TBC1D15: variants seen among roughly 807,000 people sequenced by gnomAD.
TBC1D15 encodes the protein TBC1 domain family member 15.
TBC1D15 carries 39 observed loss-of-function variants against 95.4 expected under a neutral mutation model. The ratio of observed to expected loss-of-function variants is 0.41; its 90% confidence interval spans 0.32 to 0.53. The LOEUF (loss-of-function observed/expected upper bound fraction) is 0.53, where lower values mean the gene tolerates loss of function less well. Among genes scored for constraint, TBC1D15 ranks in the 20% least tolerant of loss-of-function variants. The probability of loss-of-function intolerance (pLI) is 0.29; values close to 1 mark genes in which losing one functional copy is unlikely to be tolerated. For synonymous variants in TBC1D15, 258 were observed against 261.3 expected, an observed-to-expected ratio of 0.99 and a Z score of 0.12; for missense variants, 733 against 794.3, an observed-to-expected ratio of 0.92 and a Z score of 0.93.
intron 1 of TBC1D15, among the ~76,000 whole-genome samples, chr12:71,860,495 T>C (rs2138108726): frequency 6.6e-6 from 1 of 152,360 alleles, no homozygotes; most frequent in East Asian, 1.9e-4. Flanking sequence ...TTTCCTTTTT[T>C]GTTTGTAGCT....
intron 11 of TBC1D15, among the ~76,000 whole-genome samples, chr12:71,908,918 C>T (rs1284701958): frequency 6.6e-6 from 1 of 152,154 alleles, no homozygotes; most frequent in African/African-American, 2.4e-5. Flanking sequence ...TACCTCTACA[C>T]CTTCAGCGCT....
chr12:71,884,052 T>G (rs1391767542), intron 4 of TBC1D15, among the ~76,000 whole-genome samples: 1 of 152,196 alleles, frequency 6.6e-6, no homozygotes, highest in Non-Finnish European at 1.5e-5. Flanking sequence ...TAGTAGACAG[T>G]TAATTTAGCA....
intron 4 of TBC1D15, among the ~76,000 whole-genome samples, chr12:71,883,019 T>C (rs1167986387): frequency 1.3e-5 from 2 of 152,174 alleles, no homozygotes. Context: ...ATATAGTATT[T>C]AATATACTTC....
At chr12:71,861,429 T>C in intron 1 of TBC1D15, 1 of 1,498,004 alleles carries the variant, frequency 6.7e-7, no homozygotes, top group South Asian at 1.3e-5. Context: ...CTTGATTCAA[T>C]CTTGATAAGT....
chr12:71,923,194 C>T lies in TBC1D15; in HGVS notation c.2015C>T (p.Thr672Ile). The change falls in exon 17 of 17, where the codon ACA (threonine) becomes ATA (isoleucine). Residue 672 changes from threonine (T) to isoleucine (I), a missense_variant. Transcript: ENST00000485960. Reference protein sequence around the residue: ...IPVSSDVCRLTPA With the variant: ...IPVSSDVCRLIPA Reference sequence around the variant, plus strand: ...GTGTCCTCAGATGTCTGCAGATTAACACCTGCATGATCACTGTTCTTGCTT... The same window carrying T: ...GTGTCCTCAGATGTCTGCAGATTAATACCTGCATGATCACTGTTCTTGCTT... The T allele has an allele frequency of 1.2e-6, 2 of 1,613,960 alleles. No homozygotes were observed. Among genetic ancestry groups the T allele is most frequent in the Non-Finnish European group, 1.7e-6 (2 of 1,179,830 alleles).
intron 3 of TBC1D15, 95 bp from the exon 4 acceptor site, chr12:71,880,374 T>G (rs943237891): frequency 2.3e-5 from 25 of 1,073,888 alleles, no homozygotes; most frequent in Non-Finnish European, 3.1e-5. Flanking sequence ...TGATGTCGTC[T>G]GCAGCCTGCC....
chr12:71,849,170 A>C (rs577881356), intron 1 of TBC1D15: 6 of 273,214 alleles, frequency 2.2e-5, no homozygotes, highest in East Asian at 1.3e-4. Context: ...TTATAAAAAA[A>C]AAAAAAAACA....
intron 12 of TBC1D15, among the ~76,000 whole-genome samples, chr12:71,914,247 G>C (rs1903138158): frequency 6.6e-6 from 1 of 151,894 alleles, no homozygotes; most frequent in Non-Finnish European, 1.5e-5. Flanking sequence ...TGGAATAGTT[G>C]AACTTTAATA....
intron 10 of TBC1D15, among the ~76,000 whole-genome samples, chr12:71,899,720 A>G (rs58495864): frequency 0.057 from 8,748 of 152,214 alleles, 600 homozygotes; most frequent in East Asian, 0.32. Context: ...TGGAAATTCA[A>G]TCAAAGTAAG....
intron 10 of TBC1D15, among the ~76,000 whole-genome samples, chr12:71,903,085 A>T (rs961126144): frequency 6.6e-6 from 1 of 151,914 alleles, no homozygotes; most frequent in African/African-American, 2.4e-5. Context: ...CTAATTTTAG[A>T]ATTTTTTTTT....
At chr12:71,883,360 G>A (rs1228955966) in intron 4 of TBC1D15, among the ~76,000 whole-genome samples, 1 of 152,226 alleles carries the variant, frequency 6.6e-6, no homozygotes, top group East Asian at 1.9e-4. Flanking sequence ...TGGGCACATG[G>A]CACTTAATCT....
chr12:71,904,256 T>C (rs553172307), intron 10 of TBC1D15, among the ~76,000 whole-genome samples: 1 of 152,102 alleles, frequency 6.6e-6, no homozygotes, highest in Non-Finnish European at 1.5e-5. Flanking sequence ...GACCATTGCA[T>C]AGAGGAATAA....
chr12:71,883,662 T>C (rs934988164), intron 4 of TBC1D15, among the ~76,000 whole-genome samples: 10 of 152,116 alleles, frequency 6.6e-5, no homozygotes, highest in African/African-American at 1.2e-4. Flanking sequence ...TCCTTCTAAG[T>C]AGTTTATCTT....
rs1480678304 is a variant in TBC1D15, at chr12:71,917,693, T to G, written c.1402-5T>G. The G allele has an allele frequency of 9.4e-6, 15 of 1,590,110 alleles. No individual in the cohort carries two copies. Among genetic ancestry groups the G allele is most frequent in the Admixed American group, 1.7e-5 (1 of 59,754 alleles). On this transcript the variant is annotated splice_polypyrimidine_tract_variant and splice_region_variant and intron_variant, in intron 12 of 16. Coordinates refer to ENST00000485960, the MANE Select transcript of TBC1D15 (RefSeq NM_001146213.3). ...ATTACTTGTAACAATTATTTCCTTT[T>G]AAAGCATCAGAATTTTGAAGAACAA...
At chr12:71,879,194 T>G (rs10160905) in intron 3 of TBC1D15, among the ~76,000 whole-genome samples, 20,662 of 151,222 alleles carry the variant, frequency 0.14, 1,874 homozygotes, top group African/African-American at 0.25. Flanking sequence ...GTGCAATGGC[T>G]CAATCTTGGC....
chr12:71,875,794 TTTTA>T (rs141274109), intron 3 of TBC1D15, among the ~76,000 whole-genome samples: 4,782 of 151,942 alleles, frequency 0.031, 252 homozygotes, highest in African/African-American at 0.11. Flanking sequence ...AAGATTTTAT[TTTTA>T]TTTATTTATT....
intron 1 of TBC1D15, among the ~76,000 whole-genome samples, chr12:71,851,098 C>T (rs980691941): frequency 6.6e-6 from 1 of 151,584 alleles, no homozygotes; most frequent in Non-Finnish European, 1.5e-5. Flanking sequence ...ATGATGCTGG[C>T]ATCTGCTCAG....
intron 1 of TBC1D15, among the ~76,000 whole-genome samples, chr12:71,857,933 T>C (rs964968045): frequency 6.6e-6 from 1 of 152,222 alleles, no homozygotes; most frequent in African/African-American, 2.4e-5. Context: ...TAAGAGAACA[T>C]GTGGTATTTA....
At chr12:71,869,749 A>G (rs1238656313) in intron 1 of TBC1D15, among the ~76,000 whole-genome samples, 2 of 151,866 alleles carry the variant, frequency 1.3e-5, no homozygotes, top group Admixed American at 6.6e-5. Flanking sequence ...CATTTTTCAT[A>G]TCTTTTTTTG....
Sources: gnomAD v4.1 joint callset for allele counts (sites outside exome capture counted in the v4.1 genomes callset) on GRCh38, gnomAD v4.1.1 for gene constraint, MANE v1.5 for transcripts, NCBI Gene and HGNC (gene_info 2026-07-23, HGNC 2026-07-21) for gene names.